Variants in MAP4K4 observed in about 807,000 individuals in gnomAD.
MAP4K4 encodes mitogen-activated protein kinase kinase kinase kinase 4.
MAP4K4 carries 38 observed loss-of-function variants against 189.6 expected under a neutral mutation model. The ratio of observed to expected loss-of-function variants is 0.20; its 90% CI spans 0.15 to 0.26. The LOEUF (loss-of-function observed/expected upper bound fraction) is 0.26, where lower values mean the gene tolerates loss of function less well. Among genes scored for constraint, MAP4K4 ranks in the 10% least tolerant of loss-of-function variants. The probability of loss-of-function intolerance (pLI) is 1.00; values close to 1 mark genes in which losing one functional copy is unlikely to be tolerated. For synonymous variants in MAP4K4, 610 were observed against 624.3 expected, an observed-to-expected ratio of 0.98 and a Z score of 0.34; for missense variants, 1,054 against 1,726.9, an observed-to-expected ratio of 0.61 and a Z score of 6.91.
intron 24 of MAP4K4, among the ~76,000 whole-genome samples, chr2:101,872,495 C>A (rs1417650510): frequency 1.3e-5 from 2 of 151,970 alleles, no homozygotes; most frequent in Non-Finnish European, 2.9e-5. Context: ...ACTTGAGCAC[C>A]CGTATTGAAT....
chr2:101,781,168 T>C (rs17026061), intron 2 of MAP4K4, among the ~76,000 whole-genome samples: 14,951 of 152,250 alleles, frequency 0.098, 2,094 homozygotes, highest in African/African-American at 0.31. Flanking sequence ...CTTTAGTTGA[T>C]GATTTTTTAT....
intron 20 of MAP4K4, 43 bp downstream of exon 20, chr2:101,867,352 A>C: frequency 7.0e-7 from 1 of 1,421,474 alleles, no homozygotes; most frequent in Non-Finnish European, 9.8e-7. Flanking sequence ...TCAGACTTGA[A>C]TGAGATCTTT....
intron 10 of MAP4K4, 104 bp from the exon 11 acceptor site, chr2:101,842,505 G>T (rs1469854187): frequency 4.1e-6 from 3 of 731,376 alleles, no homozygotes; most frequent in Non-Finnish European, 4.5e-6. Context: ...TTTTCACAGG[G>T]AACTTGTTTA....
intron 2 of MAP4K4, among the ~76,000 whole-genome samples, chr2:101,736,668 A>C (rs533474656): frequency 6.6e-6 from 1 of 152,286 alleles, no homozygotes; most frequent in Admixed American, 6.5e-5. Flanking sequence ...ATTGTCCTGT[A>C]CAAGTAAGCC....
intron 12 of MAP4K4, among the ~76,000 whole-genome samples, chr2:101,854,814 C>G (rs1483759047): frequency 1.3e-5 from 2 of 152,122 alleles, no homozygotes; most frequent in African/African-American, 2.4e-5. Context: ...ATTATTGGCT[C>G]TCTGTGTCTG....
intron 3 of MAP4K4, 74 bp downstream of exon 3, chr2:101,790,850 T>C (rs1176065829): frequency 7.9e-7 from 1 of 1,267,948 alleles, no homozygotes; most frequent in Non-Finnish European, 1.1e-6. Flanking sequence ...CACAGAGTAT[T>C]ACTCTGTTTG....
intron 22 of MAP4K4, 103 bp from the exon 23 acceptor site, chr2:101,870,192 T>C: frequency 8.4e-7 from 1 of 1,186,148 alleles, no homozygotes; most frequent in Non-Finnish European, 1.2e-6. Context: ...TTTATATCGG[T>C]AGCCTCATCT....
At chr2:101,891,387 T>C in exon 33 of MAP4K4, 1 of 661,404 alleles carries the variant, frequency 1.5e-6, no homozygotes, top group Non-Finnish European at 2.7e-6. Flanking sequence ...TGTTGGGTTC[T>C]CTCCCCTCCT....
At chr2:101,865,411 G>T (rs542064397) in intron 18 of MAP4K4, among the ~76,000 whole-genome samples, 7 of 152,294 alleles carry the variant, frequency 4.6e-5, no homozygotes, top group Admixed American at 3.3e-4. Context: ...GGTTACTAAA[G>T]AAGTCACTGG....
At chr2:101,877,623 G>C (rs1049030608) in intron 27 of MAP4K4, among the ~76,000 whole-genome samples, 2 of 140,932 alleles carry the variant, frequency 1.4e-5, no homozygotes, top group Non-Finnish European at 3.1e-5. Context: ...CTACAGGCAA[G>C]TGCCACCAAG....
chr2:101,797,471 C>T lies in MAP4K4; in HGVS notation c.180+6695C>T. 29 of 1,098,414 alleles carry T rather than the reference C, an allele frequency of 2.6e-5. 1 individual carries two copies. In the South Asian group the frequency reaches 4.1e-4, roughly 15 times the overall value. 68.0% of individuals were successfully genotyped at this position (1,098,414 alleles called of 1,614,324 possible). The stretch of plus-strand genomic sequence containing the variant: ...CCTTATCTTCTTATCTTCTGCTTTT[C>T]CCTTAGCTACTGAGAGAAAAACTAA... On this transcript the variant is annotated intron_variant, in intron 3 of 32. Transcript: ENST00000324219.
intron 3 of MAP4K4, among the ~76,000 whole-genome samples, chr2:101,819,320 CCTACT>C (rs1281544555): frequency 6.6e-6 from 1 of 152,060 alleles, no homozygotes; most frequent in African/African-American, 2.4e-5. Context: ...TCATTATTAC[CCTACT>C]CTAAAGACAA....
intron 5 of MAP4K4, among the ~76,000 whole-genome samples, chr2:101,827,584 A>T (rs1464359136): frequency 6.6e-6 from 1 of 152,138 alleles, no homozygotes; most frequent in Non-Finnish European, 1.5e-5. Context: ...AGACATCTTG[A>T]TCATTATGAT....
At chr2:101,784,798 A>G (rs1458987750) in intron 2 of MAP4K4, among the ~76,000 whole-genome samples, 1 of 152,208 alleles carries the variant, frequency 6.6e-6, no homozygotes, top group Non-Finnish European at 1.5e-5. Flanking sequence ...AAGTTGGTTA[A>G]TAGGACATTT....
intron 2 of MAP4K4, among the ~76,000 whole-genome samples, chr2:101,761,912 A>G (rs12476714): frequency 0.28 from 42,774 of 152,020 alleles, 6,783 homozygotes; most frequent in South Asian, 0.49. Flanking sequence ...TCACCGAGCT[A>G]CATTCAGCGC....
At chr2:101,721,565 AGCTGAGTTTACAG>A (rs2052074449) in intron 2 of MAP4K4, among the ~76,000 whole-genome samples, 1 of 151,186 alleles carries the variant, frequency 6.6e-6, no homozygotes, top group Non-Finnish European at 1.5e-5. Context: ...CTTCCTGAGT[AGCTGAGTTTACAG>A]GCTCACGCCA....
intron 2 of MAP4K4, among the ~76,000 whole-genome samples, chr2:101,701,762 A>G (rs2038927590): frequency 6.6e-6 from 1 of 152,230 alleles, no homozygotes; most frequent in Non-Finnish European, 1.5e-5. Flanking sequence ...TCAGAGTACC[A>G]TATATTTATA....
exon 22 of MAP4K4, chr2:101,869,623 A>G (rs965449229): frequency 1.2e-6 from 2 of 1,608,602 alleles, no homozygotes; most frequent in African/African-American, 2.7e-5. Context: ...TTGCTTTAGG[A>G]TCTGACCGCA....
At chr2:101,720,173 A>G (rs545695620) in intron 2 of MAP4K4, among the ~76,000 whole-genome samples, 2 of 138,000 alleles carry the variant, frequency 1.4e-5, no homozygotes, top group Admixed American at 7.8e-5. Context: ...AGTGGTGGGT[A>G]AGGTCAGTGG....
Sources: allele counts gnomAD v4.1 joint callset (sites outside exome capture counted in the v4.1 genomes callset), GRCh38; gene constraint gnomAD v4.1.1; transcripts MANE v1.5; gene names NCBI Gene and HGNC (gene_info 2026-07-23, HGNC 2026-07-21).